PTPRT: variants seen among roughly 807,000 people sequenced by gnomAD.
The protein encoded by PTPRT is receptor-type tyrosine-protein phosphatase T.
Under a neutral mutation model 176.8 loss-of-function variants are expected in PTPRT, and 56 were observed. The ratio of observed to expected loss-of-function variants is 0.32; its 90% CI spans 0.26 to 0.40. The LOEUF (loss-of-function observed/expected upper bound fraction) is 0.40. Among genes scored for constraint, PTPRT ranks in the 10% least tolerant of loss-of-function variants. The probability of loss-of-function intolerance (pLI) is 1.00; values close to 1 mark genes in which losing one functional copy is unlikely to be tolerated. For missense variants in PTPRT, 1,540 were observed against 1,908.2 expected (o/e 0.81, Z 3.60); for synonymous variants, 783 against 739.0 (o/e 1.06, Z -0.96).
intron 8 of PTPRT, among the ~76,000 whole-genome samples, chr20:42,452,282 T>A (rs1194048189): frequency 4.2e-5 from 6 of 141,396 alleles, no homozygotes; most frequent in African/African-American, 1.1e-4. Flanking sequence ...AAAAAAAAAA[T>A]TCAGAATAGA....
intron 2 of PTPRT, among the ~76,000 whole-genome samples, chr20:42,858,725 T>G (rs771405454): frequency 6.6e-6 from 1 of 152,218 alleles, no homozygotes; most frequent in Non-Finnish European, 1.5e-5. Flanking sequence ...AATTAGTTTA[T>G]GGTACTTTTT....
intron 30 of PTPRT, 50 bp from the exon 31 acceptor site, chr20:42,080,982 G>T: frequency 6.9e-7 from 1 of 1,459,764 alleles, no homozygotes; most frequent in Admixed American, 1.7e-5. Context: ...GGAGACGAGA[G>T]AGATGAAAAA....
intron 1 of PTPRT, among the ~76,000 whole-genome samples, chr20:43,164,130 G>A (rs537831035): frequency 1.3e-5 from 2 of 152,240 alleles, no homozygotes; most frequent in African/African-American, 4.8e-5. Context: ...CTTAATTTTG[G>A]AAAGTCCTAC....
At chr20:42,371,478 T>G (rs2058586029) in intron 9 of PTPRT, among the ~76,000 whole-genome samples, 1 of 151,660 alleles carries the variant, frequency 6.6e-6, no homozygotes, top group Admixed American at 6.6e-5. Context: ...CTCATGCAAT[T>G]TCACATTTAT....
intron 7 of PTPRT, among the ~76,000 whole-genome samples, chr20:42,572,640 C>T (rs796849922): frequency 3.9e-5 from 6 of 152,344 alleles, no homozygotes; most frequent in African/African-American, 1.4e-4. Context: ...CATTCCCATA[C>T]TGTATTCTTC....
chr20:42,482,743 T>G (rs766924636), intron 7 of PTPRT, among the ~76,000 whole-genome samples: 1 of 152,234 alleles, frequency 6.6e-6, no homozygotes, highest in Non-Finnish European at 1.5e-5. Context: ...ATCAGCTCCT[T>G]GATCTTTCCT....
At chr20:42,448,508 T>A (rs1481832173) in intron 8 of PTPRT, among the ~76,000 whole-genome samples, 179 bp from the exon 9 acceptor site, 1 of 152,156 alleles carries the variant, frequency 6.6e-6, no homozygotes, top group African/African-American at 2.4e-5. Flanking sequence ...AGCACAAAAA[T>A]GACTATAGAT....
chr20:42,184,125 C>T (rs149973844), intron 16 of PTPRT, among the ~76,000 whole-genome samples: 2 of 152,272 alleles, frequency 1.3e-5, no homozygotes, highest in African/African-American at 4.8e-5. Flanking sequence ...TCACAGTCAT[C>T]TCCAGCCATT....
intron 13 of PTPRT, among the ~76,000 whole-genome samples, chr20:42,257,765 C>T (rs989865637): frequency 1.2e-4 from 18 of 151,606 alleles, no homozygotes; most frequent in Non-Finnish European, 7.4e-5. Context: ...GCAGAAGCTG[C>T]TATGCGTCCT....
intron 15 of PTPRT, among the ~76,000 whole-genome samples, chr20:42,232,612 T>C (rs1228206851): frequency 6.6e-6 from 1 of 151,364 alleles, no homozygotes; most frequent in Non-Finnish European, 1.5e-5. Flanking sequence ...TCCTATCATC[T>C]CCAAGGCCTC....
intron 1 of PTPRT, among the ~76,000 whole-genome samples, chr20:43,169,878 C>T (rs2014952181): frequency 6.6e-6 from 1 of 152,148 alleles, no homozygotes; most frequent in South Asian, 2.1e-4. Context: ...GAAGGAGAGA[C>T]TAAGGGCTCT....
At chr20:43,157,586 T>C (rs1189604410) in intron 1 of PTPRT, among the ~76,000 whole-genome samples, 1 of 152,186 alleles carries the variant, frequency 6.6e-6, no homozygotes, top group East Asian at 1.9e-4. Context: ...CTCACTAATT[T>C]TCCCAGGACA....
At position 42,917,111 on chromosome 20, in the gene PTPRT, T is replaced by C. The variant is rs865963670; in HGVS notation, c.89-31179A>G. 2.4e-3 allele frequency among the ~76,000 whole-genome samples: 361 copies of C among 152,284 alleles called. 1 individual carries two copies. Among genetic ancestry groups the C allele is most frequent in the African/African-American group, 8.3e-3 (343 of 41,526 alleles). On this transcript the variant is annotated intron_variant, in intron 1 of 30. Coordinates refer to ENST00000373187, the MANE Select transcript of PTPRT (RefSeq NM_007050.6). ...TGGTTTTAGGTCTAACATTTAAGTCTTTAATCCATCTTGAATTAATTTTTG... is the reference window on the plus strand; with the variant it reads ...TGGTTTTAGGTCTAACATTTAAGTCCTTAATCCATCTTGAATTAATTTTTG...
chr20:42,352,432 G>C (rs2058298888), intron 9 of PTPRT, 147 bp from the exon 10 acceptor site: 1 of 716,728 alleles, frequency 1.4e-6, no homozygotes, highest in East Asian at 2.7e-5. Flanking sequence ...GCCTGTTGCT[G>C]TCCACTTTCC....
At chr20:42,263,881 G>T (rs1158152878) in intron 13 of PTPRT, among the ~76,000 whole-genome samples, 1 of 151,958 alleles carries the variant, frequency 6.6e-6, no homozygotes, top group Non-Finnish European at 1.5e-5. Flanking sequence ...AATAAATATT[G>T]GAAGGGGATT....
intron 16 of PTPRT, among the ~76,000 whole-genome samples, chr20:42,197,223 C>A (rs1213463387): frequency 6.6e-6 from 1 of 151,468 alleles, no homozygotes; most frequent in African/African-American, 2.4e-5. Flanking sequence ...ACTAAAAATA[C>A]AAAAAATTAG....
At chr20:42,215,269 C>T (rs2055742029) in intron 15 of PTPRT, among the ~76,000 whole-genome samples, 1 of 152,026 alleles carries the variant, frequency 6.6e-6, no homozygotes. Context: ...TGACTTGGCT[C>T]CTAACAGTGG....
chr20:42,967,097 T>C (rs1982341177), intron 1 of PTPRT, among the ~76,000 whole-genome samples: 1 of 152,134 alleles, frequency 6.6e-6, no homozygotes, highest in Non-Finnish European at 1.5e-5. Context: ...TGCTGTGACA[T>C]TTGTGCAAGA....
At chr20:42,534,878 G>T (rs2072448801) in intron 7 of PTPRT, among the ~76,000 whole-genome samples, 1 of 152,112 alleles carries the variant, frequency 6.6e-6, no homozygotes, top group South Asian at 2.1e-4. Context: ...GGGAATAAAA[G>T]CAGCATATCA....
Sources: allele counts gnomAD v4.1 joint callset (sites outside exome capture counted in the v4.1 genomes callset), GRCh38; gene constraint gnomAD v4.1.1; transcripts MANE v1.5; gene names NCBI Gene and HGNC (gene_info 2026-07-23, HGNC 2026-07-21).